LRRFIP1: variants seen among roughly 807,000 people sequenced by gnomAD.
The protein encoded by LRRFIP1 is LRR binding FLII interacting protein 1.
Under a neutral mutation model 104.4 loss-of-function variants are expected in LRRFIP1, and 62 were observed. The ratio of observed to expected loss-of-function variants is 0.59; its 90% confidence interval spans 0.48 to 0.73. LRRFIP1 has a LOEUF of 0.73. Among genes scored for constraint, LRRFIP1 ranks in the 30% least tolerant of loss-of-function variants. The pLI, the probability that LRRFIP1 is intolerant of heterozygous loss-of-function variation, is 0.00. For missense variants in LRRFIP1, 796 were observed against 824.5 expected (o/e 0.97, Z 0.42); for synonymous variants, 300 against 299.0 (o/e 1.00, Z -0.03).
intron 1 of LRRFIP1, among the ~76,000 whole-genome samples, chr2:237,671,798 G>GCA: frequency 6.6e-6 from 1 of 150,886 alleles, no homozygotes; most frequent in East Asian, 1.9e-4. Context: ...GTGTGCAGGT[G>GCA]TGTGTGTGCC....
At position 237,717,342 on chromosome 2, in the gene LRRFIP1, C is replaced by G. The variant is rs572603719; in HGVS notation, c.202-420C>G. Among the ~76,000 whole-genome samples, 3 of 152,360 alleles carry G rather than the reference C, an allele frequency of 2.0e-5. No individual in the cohort carries two copies. Among genetic ancestry groups the G allele is most frequent in the Non-Finnish European group, 4.4e-5 (3 of 68,032 alleles). ...TCTCCTCTCAGTTTCCCTGAGGTCC[C>G]AACACCGGAATGGCTCTGAGCTTCT... On this transcript the variant is annotated intron_variant, in intron 3 of 23. Transcript: ENST00000308482. The surrounding 1 kb of genome is among the most constrained non-coding windows in gnomAD (Gnocchi z 4.2).
At chr2:237,741,356 GC>G (rs1481522652) in intron 11 of LRRFIP1, among the ~76,000 whole-genome samples, 1 of 152,148 alleles carries the variant, frequency 6.6e-6, no homozygotes, top group Non-Finnish European at 1.5e-5. Flanking sequence ...AGCCTGGCCA[GC>G]CCCCAAGGCT....
chr2:237,775,777 G>T (rs760369873), intron 23 of LRRFIP1, among the ~76,000 whole-genome samples: 2 of 152,052 alleles, frequency 1.3e-5, no homozygotes, highest in Non-Finnish European at 2.9e-5. Context: ...GGTGAAAGCT[G>T]CTTTGACACA....
At chr2:237,641,354 G>C (rs6736671) in intron 1 of LRRFIP1, among the ~76,000 whole-genome samples, 1 of 151,552 alleles carries the variant, frequency 6.6e-6, no homozygotes, top group African/African-American at 2.4e-5. Flanking sequence ...TCTACTAAAA[G>C]TACAAAAATT....
chr2:237,653,990 G>A (rs1443161126), intron 1 of LRRFIP1, among the ~76,000 whole-genome samples: 1 of 151,988 alleles, frequency 6.6e-6, no homozygotes, highest in Non-Finnish European at 1.5e-5. Context: ...GGCAACAAAA[G>A]AAAAAACAGA....
intron 19 of LRRFIP1, chr2:237,769,689 G>A (rs1235551649): frequency 2.1e-6 from 1 of 470,826 alleles, no homozygotes; most frequent in Non-Finnish European, 3.9e-6. Flanking sequence ...ACCTAAGGTA[G>A]AAGATTAGCA....
intron 1 of LRRFIP1, among the ~76,000 whole-genome samples, chr2:237,681,624 C>T (rs2091826363): frequency 6.7e-6 from 1 of 150,368 alleles, no homozygotes; most frequent in South Asian, 2.1e-4. Context: ...GCCTCAGCCT[C>T]CCAAAGTACT....
Position 237,691,602 on chromosome 2 carries a change from T to C in LRRFIP1, c.97-16942T>C, listed in dbSNP as rs1180603257. ...GTGCAGCGGTGCTGGGGCCTAGGCT[T>C]CCGCGTCCAGGAAGCTCAGCGTGGC... On this transcript the variant is annotated intron_variant, in intron 1 of 23. Coordinates refer to ENST00000308482, the MANE Select transcript of LRRFIP1 (RefSeq NM_001137550.2). The surrounding 1 kb of genome is among the most constrained non-coding windows in gnomAD (Gnocchi z 5.4). 6.6e-6 allele frequency among the ~76,000 whole-genome samples: 1 copy of C among 152,118 alleles called. No individual in the cohort carries two copies. Among genetic ancestry groups the C allele is most frequent in the Non-Finnish European group, 1.5e-5 (1 of 68,002 alleles).
Position 237,627,746 on chromosome 2 carries a change from CGCTCCGGGAGGGCAGCCGGGGG to C in LRRFIP1, c.96+9_96+30del. ...TCAACCAGATCGCGCGGGAGGTGAG[CGCTCCGGGAGGGCAGCCGGGGG>C]GCGCCGGGCGGGCGCGGGGGCCGGA... On this transcript the variant is annotated splice_region_variant and intron_variant, in intron 1 of 23. Transcript: ENST00000308482. The C allele has an allele frequency of 2.4e-6, 3 of 1,275,414 alleles. No individual in the cohort carries two copies. Among genetic ancestry groups the C allele is most frequent in the Non-Finnish European group, 3.0e-6 (3 of 1,004,676 alleles). 79.0% of individuals were successfully genotyped at this position (1,275,414 alleles called of 1,614,324 possible).
chr2:237,634,843 A>T (rs2082868938), intron 1 of LRRFIP1, among the ~76,000 whole-genome samples: 1 of 152,186 alleles, frequency 6.6e-6, no homozygotes, highest in South Asian at 2.1e-4. Context: ...TTTCAATAGA[A>T]CCCATCAAAA....
At chr2:237,681,079 A>C (rs1307507690) in intron 1 of LRRFIP1, among the ~76,000 whole-genome samples, 1 of 152,246 alleles carries the variant, frequency 6.6e-6, no homozygotes, top group Non-Finnish European at 1.5e-5. Context: ...ATTTTTGAAA[A>C]AACATAACAG....
At chr2:237,733,261 G>T (rs913991400) in intron 8 of LRRFIP1, among the ~76,000 whole-genome samples, 1 of 152,202 alleles carries the variant, frequency 6.6e-6, no homozygotes, top group Non-Finnish European at 1.5e-5. Flanking sequence ...CTCTGGGGGT[G>T]CCTCCCACAC....
chr2:237,772,925 A>G lies in LRRFIP1; in HGVS notation c.1687A>G (p.Ile563Val). 1 of 1,613,670 alleles carries G rather than the reference A, an allele frequency of 6.2e-7. No homozygotes were observed. Among genetic ancestry groups the G allele is most frequent in the South Asian group, 1.1e-5 (1 of 91,072 alleles). The change falls in exon 22 of 24, where the codon ATA (isoleucine) becomes GTA (valine). Residue 563 changes from isoleucine to valine, a missense_variant. By Grantham distance (29) the Ile-to-Val change is conservative. Transcript: ENST00000308482. ...TAAACTTGCAAAATCTGAGCAAGAGATAACTGCATTAGAACAAAATGTACG... is the reference window on the plus strand; with the variant it reads ...TAAACTTGCAAAATCTGAGCAAGAGGTAACTGCATTAGAACAAAATGTACG... ...KFKLAKSEQE[I>V]TALEQNVIRL...
intron 20 of LRRFIP1, 79 bp downstream of exon 20, chr2:237,770,071 T>G (rs2060490509): frequency 1.8e-6 from 2 of 1,141,224 alleles, no homozygotes; most frequent in African/African-American, 3.1e-5. Flanking sequence ...TCTTGCTTAC[T>G]CAGAAAACCC....
chr2:237,753,132 T>G (rs2058834868), intron 14 of LRRFIP1, among the ~76,000 whole-genome samples, 177 bp from the exon 15 acceptor site: 1 of 152,220 alleles, frequency 6.6e-6, no homozygotes, highest in Admixed American at 6.5e-5. Context: ...TTTGACCAAA[T>G]TGAAAAGGGG....
At chr2:237,775,384 G>A (rs746097435) in intron 23 of LRRFIP1, among the ~76,000 whole-genome samples, 1 of 152,194 alleles carries the variant, frequency 6.6e-6, no homozygotes, top group Non-Finnish European at 1.5e-5. Flanking sequence ...AAGTGAGCAG[G>A]GGGTGAGGGG....
At position 237,643,152 on chromosome 2, in the gene LRRFIP1, G is replaced by C. The variant is rs2084285262; in HGVS notation, c.96+15412G>C. Among the ~76,000 whole-genome samples, 7 of 152,368 alleles carry C rather than the reference G, an allele frequency of 4.6e-5. No homozygotes were observed. The South Asian group carries it at 1.5e-3, about 32-fold the overall frequency. On this transcript the variant is annotated intron_variant, in intron 1 of 23. Transcript: ENST00000308482. Reference sequence around the variant, plus strand: ...AGATGTTTCAGGCTAGTTTGTAGCTGCTTCTGAACATGCAGCAGTGTGCTC... The same window carrying C: ...AGATGTTTCAGGCTAGTTTGTAGCTCCTTCTGAACATGCAGCAGTGTGCTC...
rs561621183 is a variant in LRRFIP1, at chr2:237,779,390, C to T, written c.1813-32C>T. 7.8e-5 allele frequency: 125 copies of T among 1,607,980 alleles called. No homozygotes were observed. In the African/African-American group the frequency reaches 1.4e-3, roughly 19 times the overall value. On this transcript the variant is annotated intron_variant, in intron 23 of 23. Transcript: ENST00000308482. ...TGTTATGTTTGGAGGAAACAAGTTC[C>T]TTAAAGCTCACTGCCTTTCCTCCGT... is the stretch of plus-strand genomic sequence containing the variant.
chr2:237,692,439 G>T, intron 1 of LRRFIP1: 1 of 1,504,046 alleles, frequency 6.6e-7, no homozygotes, highest in South Asian at 1.3e-5. Flanking sequence ...CGGGTGGAGC[G>T]GGCCGAGCCC....
Sources: gnomAD v4.1 joint callset for allele counts (sites outside exome capture counted in the v4.1 genomes callset) on GRCh38, gnomAD v4.1.1 for gene constraint, Gnocchi (gnomAD v3.1) non-coding constraint, MANE v1.5 for transcripts, NCBI Gene and HGNC (gene_info 2026-07-23, HGNC 2026-07-21) for gene names.